GJA8: variants seen among roughly 807,000 people sequenced by gnomAD.
The protein encoded by GJA8 is gap junction protein alpha 8, also known as gap junction alpha-8 protein.
In GJA8, 13 loss-of-function variants were observed where a neutral mutation model predicts 15.3. The observed-to-expected ratio is 0.85, with a 90% CI of 0.55 to 1.35. GJA8 has a LOEUF of 1.35. Among genes scored for constraint, GJA8 ranks in the 40% most tolerant of loss-of-function variants. The pLI is 0.00. For synonymous variants in GJA8, 304 were observed against 238.7 expected (o/e 1.27, Z -2.52); for missense variants, 607 against 553.3 (o/e 1.10, Z -0.97).
chr1:147,908,955 G>A lies in GJA8; in HGVS notation c.1000G>A (p.Glu334Lys), dbSNP rs782051936. The A allele has an allele frequency of 2.5e-6, 4 of 1,605,154 alleles. No homozygotes were observed. Among genetic ancestry groups the A allele is most frequent in the East Asian group, 2.2e-5 (1 of 44,664 alleles). Residue 334 changes from glutamate to lysine, a missense_variant, in exon 2 of 2, where the codon GAG (glutamate) becomes AAG (lysine). Transcript: ENST00000369235. ...GGTGGGGGCACAAGAAGTGGAGGGC[G>A]AGGGGCCGCCTGCAGAGGAGGGAGC... ...AQVGAQEVEG[E>K]GPPAEEGAEP...
At chr1:147,910,407 A>C (rs74123747), downstream of GJA8, among the ~76,000 whole-genome samples, 2 of 152,132 alleles carry the variant, frequency 1.3e-5, no homozygotes, top group African/African-American at 4.8e-5. Context: ...TGTTTAAATC[A>C]TCAGTCCAGG....
In GJA8 at chr1:147,908,656, C is replaced by G. The variant is rs1651928321; in HGVS notation, c.701C>G (p.Ser234Cys). 6.2e-7 allele frequency: 1 copy of G among 1,614,126 alleles called. No individual in the cohort carries two copies. Among genetic ancestry groups the G allele is most frequent in the Non-Finnish European group, 8.5e-7 (1 of 1,179,988 alleles). ...CACCTGGGCCTGAAGGGGATCCGGTCTGCCTTGAAGAGGCCTGTAGAGCAG... is the reference window on the plus strand; with the variant it reads ...CACCTGGGCCTGAAGGGGATCCGGTGTGCCTTGAAGAGGCCTGTAGAGCAG... ...LGHLGLKGIRSALKRPVEQPL... is the reference protein window; with the variant it reads ...LGHLGLKGIRCALKRPVEQPL... Residue 234 changes from serine to cysteine, a missense_variant, in exon 2 of 2, where the codon TCT becomes TGT. Ser to Cys is a moderately radical substitution (Grantham distance 112, BLOSUM62 -1). Transcript: ENST00000369235.
rs782741157 is a variant in GJA8, at chr1:147,908,222, C to T, written c.267C>T (p.Ser89=). 2 of 1,614,228 alleles carry T rather than the reference C, an allele frequency of 1.2e-6. No homozygotes were observed. Among genetic ancestry groups the T allele is most frequent in the Non-Finnish European group, 1.7e-6 (2 of 1,180,038 alleles). Residue 89 remains serine, a synonymous_variant, in exon 2 of 2, where the codon TCC becomes TCT. Coordinates refer to ENST00000369235, the MANE Select transcript of GJA8 (RefSeq NM_005267.5). ...VLQIIFVSTP[S]LMYVGHAVHY... is the part of the protein sequence containing the mutation. ...AGATCATCTTCGTCTCCACCCCGTC[C>T]CTGATGTACGTGGGGCACGCGGTGC...
In GJA8 at chr1:147,909,128, G is replaced by A. The variant is rs1651979658; in HGVS notation, c.1173G>A (p.Val391=). 2 of 1,614,114 alleles carry A rather than the reference G, an allele frequency of 1.2e-6. No homozygotes were observed. The highest frequency in any genetic ancestry group is 1.7e-6 in the Non-Finnish European group (2 of 1,180,002). ...AAGAAGAGCCGCAGTCGGAGAAGGT[G>A]TCAAAGCAAGGGCTGCCAGCTGAGA... The part of the protein sequence containing the change: ...GEKEEPQSEK[V]SKQGLPAEKT... The change falls in exon 2 of 2, where the codon GTG becomes GTA. Residue 391 remains valine (V), a synonymous_variant. Coordinates refer to ENST00000369235, the MANE Select transcript of GJA8 (RefSeq NM_005267.5).
chr1:147,904,386 A>G (rs1487631345), intron 1 of GJA8, among the ~76,000 whole-genome samples: 4 of 152,190 alleles, frequency 2.6e-5, no homozygotes, highest in Non-Finnish European at 4.4e-5. Flanking sequence ...CTGAAATAAG[A>G]TACGTGAAAA....
intron 1 of GJA8, among the ~76,000 whole-genome samples, chr1:147,906,334 T>C (rs1651797273): frequency 6.6e-6 from 1 of 152,218 alleles, no homozygotes; most frequent in East Asian, 1.9e-4. Flanking sequence ...GTTTTGCTCA[T>C]CATTCTTTAT....
chr1:147,914,035 T>G (rs1652284180), downstream of GJA8, among the ~76,000 whole-genome samples: 2 of 152,142 alleles, frequency 1.3e-5, no homozygotes, highest in African/African-American at 4.8e-5. Context: ...GAAAAACTTT[T>G]ATGAAAGACA....
Position 147,908,025 on chromosome 1 carries a change from GTC to G in GJA8, c.72_73del (p.Trp25AlafsTer23), listed in dbSNP as rs1553242523. ...TGAGCACTCCACCGTCATCGGCAGAGTCTGGCTCACCGTGCTTTTCATCTTCC... is the reference window on the plus strand; with the variant it reads ...TGAGCACTCCACCGTCATCGGCAGAGTGGCTCACCGTGCTTTTCATCTTCC... ...VNEHSTVIGR[V>X]WLTVLFIFRI... On this transcript the variant is annotated frameshift_variant, in exon 2 of 2. Coordinates refer to ENST00000369235, the MANE Select transcript of GJA8 (RefSeq NM_005267.5). LOFTEE classifies it high-confidence loss of function. 6.2e-7 allele frequency: 1 copy of G among 1,614,170 alleles called. No homozygotes were observed.
At chr1:147,906,884 T>C (rs1553242336) in intron 1 of GJA8, among the ~76,000 whole-genome samples, 4 of 152,002 alleles carry the variant, frequency 2.6e-5, no homozygotes, top group Non-Finnish European at 5.9e-5. Context: ...TTCTTTTTTC[T>C]TTTTTTTCTT....
chr1:147,908,308 C>T lies in GJA8; in HGVS notation c.353C>T (p.Ala118Val), dbSNP rs782306193. 78 of 1,614,018 alleles carry T rather than the reference C, an allele frequency of 4.8e-5. No homozygotes were observed. Among genetic ancestry groups the T allele is most frequent in the South Asian group, 6.6e-5 (6 of 91,088 alleles). Reference protein sequence around the residue: ...SREAEELGQQAGTNGGPDQGS... With the variant: ...SREAEELGQQVGTNGGPDQGS... ...GAGGCGGAGGAGCTGGGCCAGCAGG[C>T]GGGGACTAACGGCGGCCCGGACCAG... The change falls in exon 2 of 2, where the codon GCG becomes GTG. Residue 118 changes from alanine to valine, a missense_variant. By Grantham distance (64) the Ala-to-Val change is moderately conservative. Transcript: ENST00000369235.
intron 1 of GJA8, among the ~76,000 whole-genome samples, chr1:147,907,518 G>A (rs1651847395): frequency 6.6e-6 from 1 of 152,140 alleles, no homozygotes; most frequent in Non-Finnish European, 1.5e-5. Context: ...GACACCCATA[G>A]TATAAGGGAA....
chr1:147,912,402 A>T (rs1246890310), downstream of GJA8, among the ~76,000 whole-genome samples: 4 of 152,182 alleles, frequency 2.6e-5, no homozygotes, highest in Non-Finnish European at 4.4e-5. Flanking sequence ...TTTAGTAGGA[A>T]CCTGAGGCTC....
At chr1:147,906,313 T>C (rs1178150282) in intron 1 of GJA8, among the ~76,000 whole-genome samples, 3 of 152,186 alleles carry the variant, frequency 2.0e-5, no homozygotes, top group Admixed American at 6.5e-5. Context: ...CTGTTCTCCA[T>C]TGAGGTGGAA....
chr1:147,907,949 G>A lies in GJA8; in HGVS notation c.-7G>A. Reference sequence around the variant, plus strand: ...CCTTCTCCCTCATTTCTTCAGGTGGGTGAGAAATGGGCGACTGGAGTTTCC... The same window carrying A: ...CCTTCTCCCTCATTTCTTCAGGTGGATGAGAAATGGGCGACTGGAGTTTCC... On this transcript the variant is annotated 5_prime_UTR_variant, in exon 2 of 2. It adds an upstream start codon to the 5' untranslated region. Coordinates refer to ENST00000369235, the MANE Select transcript of GJA8 (RefSeq NM_005267.5). The A allele has an allele frequency of 1.2e-6, 2 of 1,609,338 alleles. No individual in the cohort carries two copies. The highest frequency in any genetic ancestry group is 1.7e-6 in the Non-Finnish European group (2 of 1,175,810).
chr1:147,909,312 A>G, downstream of GJA8: 1 of 1,289,652 alleles, frequency 7.8e-7, no homozygotes, highest in Non-Finnish European at 1.1e-6. Flanking sequence ...GCAAGATGAA[A>G]GGAACAGGTG....
intron 1 of GJA8, among the ~76,000 whole-genome samples, 40 bp downstream of exon 1, chr1:147,902,901 C>T (rs1461879111): frequency 6.6e-6 from 1 of 152,166 alleles, no homozygotes; most frequent in African/African-American, 2.4e-5. Flanking sequence ...TAACCTTCCC[C>T]CCAATTGTTC....
At chr1:147,911,444 G>A (rs1553243458), downstream of GJA8, among the ~76,000 whole-genome samples, 1 of 152,146 alleles carries the variant, frequency 6.6e-6, no homozygotes, top group Admixed American at 6.5e-5. Context: ...GGAAAAAACT[G>A]CATTTAAAAG....
rs587673409 is a variant in GJA8 at position 147,909,057 on chromosome 1, G to A, written c.1102G>A (p.Glu368Lys). The A allele has an allele frequency of 6.2e-7, 1 of 1,603,586 alleles. No individual in the cohort carries two copies. The highest frequency in any genetic ancestry group is 8.5e-7 in the Non-Finnish European group (1 of 1,174,798). ...GGAGCAGGAGAAGGTGGCCGTGCCA[G>A]AGGGGGAGAAAGTAGAGACCCCCGG... is the stretch of plus-strand genomic sequence containing the variant. ...TEEQEKVAVP[E>K]GEKVETPGVD... Residue 368 changes from glutamate (E) to lysine (K), a missense_variant, in exon 2 of 2, where the codon GAG becomes AAG. Coordinates refer to ENST00000369235, the MANE Select transcript of GJA8 (RefSeq NM_005267.5).
downstream of GJA8, among the ~76,000 whole-genome samples, chr1:147,910,493 T>C (rs587759993): frequency 6.6e-6 from 1 of 152,328 alleles, no homozygotes; most frequent in South Asian, 2.1e-4. Flanking sequence ...ATATGCTTTG[T>C]ATTGGTGGGA....
Sources: allele counts gnomAD v4.1 joint callset (sites outside exome capture counted in the v4.1 genomes callset), GRCh38; gene constraint gnomAD v4.1.1; transcripts MANE v1.5; gene names NCBI Gene and HGNC (gene_info 2026-07-23, HGNC 2026-07-21).